FBXL14: variants seen among roughly 807,000 people sequenced by gnomAD.
The protein encoded by FBXL14 is F-box/LRR-repeat protein 14.
Under a neutral mutation model 24.5 loss-of-function variants are expected in FBXL14, and 11 were observed. That is an observed-to-expected ratio of 0.45 (90% CI 0.28 to 0.74). FBXL14 has a LOEUF of 0.74. Among genes scored for constraint, FBXL14 ranks in the 30% least tolerant of loss-of-function variants. The pLI is 0.12. For missense variants in FBXL14, 384 were observed against 545.6 expected (o/e 0.70, Z 2.95); for synonymous variants, 294 against 240.4 (o/e 1.22, Z -2.06).
Position 1,594,156 on chromosome 12 carries a change from AGCCGCC to A in FBXL14, c.-96_-91del, listed in dbSNP as rs544992054. 6.0e-3 allele frequency: 3,326 copies of A among 555,590 alleles called. 61 individuals are homozygous for A. Among genetic ancestry groups the A allele is most frequent in the African/African-American group, 0.048 (2,420 of 49,902 alleles). The allele number at this position is 555,590 out of a possible 1,614,324, so 34.4% of individuals were successfully genotyped here. A position where few individuals can be genotyped will look rare whatever the true frequency, so the allele number is the denominator to read the frequency against. ...GCAGGCGACGAGAGCGCTTCTCCCC[AGCCGCC>A]GCCGCCGCCGCCGCCGCCGCCTCGG... On this transcript the variant is annotated 5_prime_UTR_variant, in exon 1 of 2. Coordinates refer to ENST00000339235, the MANE Select transcript of FBXL14 (RefSeq NM_152441.3).
At chr12:1,574,441 G>GGGAGGCTAGGGTGAGA (rs1565583165) in intron 1 of FBXL14, among the ~76,000 whole-genome samples, 1 of 68,764 alleles carries the variant, frequency 1.5e-5, no homozygotes, top group East Asian at 3.6e-4. Flanking sequence ...CTGGGGTGAG[G>GGGAGGCTAGGGTGAGA]GGAGGCTGGT....
intron 1 of FBXL14, among the ~76,000 whole-genome samples, chr12:1,590,865 C>A (rs1366948058): frequency 6.6e-6 from 1 of 152,140 alleles, no homozygotes; most frequent in Non-Finnish European, 1.5e-5. Context: ...GCAAGGACAG[C>A]GCTCTTTTAA....
At chr12:1,573,897 C>G (rs984188382) in intron 1 of FBXL14, among the ~76,000 whole-genome samples, 1 of 151,978 alleles carries the variant, frequency 6.6e-6, no homozygotes. Flanking sequence ...CCCAGCTACT[C>G]AGGAAGCTGA....
In FBXL14 at chr12:1,579,296, T is replaced by G. The variant is rs1295421277; in HGVS notation, c.1195-12486A>C. Among the ~76,000 whole-genome samples the G allele has an allele frequency of 6.6e-6, 1 of 152,044 alleles. No homozygotes were observed. Among genetic ancestry groups the G allele is most frequent in the African/African-American group, 2.4e-5 (1 of 41,428 alleles). On this transcript the variant is annotated intron_variant, in intron 1 of 1. Coordinates refer to ENST00000339235, the MANE Select transcript of FBXL14 (RefSeq NM_152441.3). This position sits in a 1 kb window ranked among gnomAD's most constrained non-coding sequence, Gnocchi z 4.3. ...AAAATATATCAATAAGGCATCATAC[T>G]GACGAAAACAAAACCAGAGGTTTTA...
At chr12:1,592,190 G>GTATATATATATATATATAATT (rs1555152262) in intron 1 of FBXL14, among the ~76,000 whole-genome samples, 181 of 139,070 alleles carry the variant, frequency 1.3e-3, no homozygotes, top group African/African-American at 4.7e-3. Flanking sequence ...ACATATATAT[G>GTATATATATATATATATAATT]TATATATATA....
intron 1 of FBXL14, among the ~76,000 whole-genome samples, chr12:1,587,904 G>C (rs2094480294): frequency 6.6e-6 from 1 of 152,100 alleles, no homozygotes. Context: ...ACTCCTCAGG[G>C]GTTCATAATG....
rs544772696 is a variant in FBXL14 at position 1,567,445 on chromosome 12, C to T, written c.1195-635G>A. On this transcript the variant is annotated intron_variant, in intron 1 of 1. Transcript: ENST00000339235. This position sits in a 1 kb window ranked among gnomAD's most constrained non-coding sequence, Gnocchi z 4.8. ...GGCAGAGGTTGCAGTGAGCCAAGAT[C>T]GCGCCACTGTACTGCAGCCTGGGCG... Among the ~76,000 whole-genome samples, 4 of 152,152 alleles carry T rather than the reference C, an allele frequency of 2.6e-5. No individual in the cohort carries two copies. The highest frequency in any genetic ancestry group is 2.1e-4 in the South Asian group (1 of 4,816).
intron 1 of FBXL14, among the ~76,000 whole-genome samples, chr12:1,572,849 T>TG: frequency 1.2e-5 from 1 of 82,128 alleles, no homozygotes; most frequent in Admixed American, 9.9e-5. Flanking sequence ...GCAGTGGCGG[T>TG]GGAGGGGGGA....
chr12:1,590,967 C>A (rs1317125020), intron 1 of FBXL14, among the ~76,000 whole-genome samples: 1 of 152,218 alleles, frequency 6.6e-6, no homozygotes, highest in Non-Finnish European at 1.5e-5. Context: ...TTGCCCACGT[C>A]GTGAACCACT....
In FBXL14 at chr12:1,587,109, C is replaced by T. The variant is rs568589541; in HGVS notation, c.1194+5764G>A. ...AAAATTAGCCGGGCGTGGTGGCACA[C>T]GCCTGTAATCCCAGCTACTCAGGAG... On this transcript the variant is annotated intron_variant, in intron 1 of 1. Coordinates refer to ENST00000339235, the MANE Select transcript of FBXL14 (RefSeq NM_152441.3). Among the ~76,000 whole-genome samples the T allele has an allele frequency of 3.9e-4, 59 of 152,024 alleles. 1 individual carries two copies. The highest frequency in any genetic ancestry group is 4.2e-4 in the South Asian group (2 of 4,798).
chr12:1,582,607 C>T (rs59731311), intron 1 of FBXL14, among the ~76,000 whole-genome samples: 14,174 of 152,178 alleles, frequency 0.093, 1,145 homozygotes, highest in African/African-American at 0.22. Context: ...AAGACCTTCA[C>T]GGATGGTGCC....
chr12:1,594,413 C>G lies in FBXL14; in HGVS notation c.-347G>C. On this transcript the variant is annotated 5_prime_UTR_variant, in exon 1 of 2. Coordinates refer to ENST00000339235, the MANE Select transcript of FBXL14 (RefSeq NM_152441.3). The stretch of plus-strand genomic sequence containing the variant: ...CTCTACCCACGCCGCGCCCGGGCCG[C>G]GCCGCTCCGCCCGCGCCGCCGCGCC... Among the ~76,000 whole-genome samples the G allele has an allele frequency of 6.9e-6, 1 of 144,012 alleles. No individual in the cohort carries two copies. Among genetic ancestry groups the G allele is most frequent in the African/African-American group, 2.5e-5 (1 of 40,136 alleles). The allele number at this position is 144,012 out of a possible 152,430, so 94.5% of individuals were successfully genotyped here.
rs572750505 is a variant in FBXL14 at position 1,567,352 on chromosome 12, C to T, written c.1195-542G>A. Among the ~76,000 whole-genome samples, 2 of 151,900 alleles carry T rather than the reference C, an allele frequency of 1.3e-5. No homozygotes were observed. The highest frequency in any genetic ancestry group is 2.9e-5 in the Non-Finnish European group (2 of 67,976). On this transcript the variant is annotated intron_variant, in intron 1 of 1. Transcript: ENST00000339235. This position sits in a 1 kb window ranked among gnomAD's most constrained non-coding sequence, Gnocchi z 4.8. ...AGAAAGAAAAGAAAAATTAGCTGGGCGTGGTGGCAAGCACCTGTAATCCCA... is the reference window on the plus strand; with the variant it reads ...AGAAAGAAAAGAAAAATTAGCTGGGTGTGGTGGCAAGCACCTGTAATCCCA...
At chr12:1,570,404 C>T (rs570343431) in intron 1 of FBXL14, among the ~76,000 whole-genome samples, 2 of 152,322 alleles carry the variant, frequency 1.3e-5, no homozygotes, top group South Asian at 2.1e-4. Context: ...CTGGCATCTC[C>T]TTCCTACCGG....
Position 1,594,073 on chromosome 12 carries a change from C to T in FBXL14, c.-7G>A, listed in dbSNP as rs1167457600. 1.4e-6 allele frequency: 2 copies of T among 1,439,766 alleles called. No individual in the cohort carries two copies. The highest frequency in any genetic ancestry group is 1.8e-6 in the Non-Finnish European group (2 of 1,103,832). 89.2% of individuals were successfully genotyped at this position (1,439,766 alleles called of 1,614,324 possible). On this transcript the variant is annotated 5_prime_UTR_variant, in exon 1 of 2. Coordinates refer to ENST00000339235, the MANE Select transcript of FBXL14 (RefSeq NM_152441.3). ...ATGAGATGTGGGTCTCCATCTTCCTCCTCCCCCCTCCGCGGCGCTGGGGGG... is the reference window on the plus strand; with the variant it reads ...ATGAGATGTGGGTCTCCATCTTCCTTCTCCCCCCTCCGCGGCGCTGGGGGG...
chr12:1,594,445 CCCTGCCGCATCCTCCGCCT>C lies in FBXL14; in HGVS notation c.-398_-380del, dbSNP rs1367273111. Among the ~76,000 whole-genome samples, 1 of 145,350 alleles carries C rather than the reference CCCTGCCGCATCCTCCGCCT, an allele frequency of 6.9e-6. No individual in the cohort carries two copies. Among genetic ancestry groups the C allele is most frequent in the African/African-American group, 2.5e-5 (1 of 40,522 alleles). Reference sequence around the variant, plus strand: ...CCGCCCGCGCCGCCGCGCCCACGCCCCCTGCCGCATCCTCCGCCTCCTGCCGCCGCCGCTGCTCCGCGGG... The same window carrying C: ...CCGCCCGCGCCGCCGCGCCCACGCCCCCTGCCGCCGCCGCTGCTCCGCGGG... On this transcript the variant is annotated 5_prime_UTR_variant, in exon 1 of 2. It removes an upstream start codon present in the reference 5' UTR. Transcript: ENST00000339235.
chr12:1,591,132 T>C (rs1380465176), intron 1 of FBXL14, among the ~76,000 whole-genome samples: 1 of 152,246 alleles, frequency 6.6e-6, no homozygotes, highest in Non-Finnish European at 1.5e-5. Context: ...CCAAACATTA[T>C]ATAAATCTCC....
In FBXL14 at chr12:1,572,630, CG is replaced by C. The variant is rs945375104; in HGVS notation, c.1195-5821del. On this transcript the variant is annotated intron_variant, in intron 1 of 1. Transcript: ENST00000339235. Reference sequence around the variant, plus strand: ...CTGACGCACATACAGGTCGGGGAAGCGGGGGGGCAGTGGAGAGGAAGGCAGG... The same window carrying C: ...CTGACGCACATACAGGTCGGGGAAGCGGGGGGCAGTGGAGAGGAAGGCAGG... 2.6e-3 allele frequency among the ~76,000 whole-genome samples: 59 copies of C among 22,634 alleles called. 1 individual carries two copies. The highest frequency in any genetic ancestry group is 0.025 in the South Asian group (20 of 790). 14.8% of individuals were successfully genotyped at this position (22,634 alleles called of 152,430 possible).
At chr12:1,594,792 GCCCGGGCCGGC>G (rs1355742066), upstream of FBXL14, among the ~76,000 whole-genome samples, 1 of 150,642 alleles carries the variant, frequency 6.6e-6, no homozygotes. Context: ...GTTTGGTAGC[GCCCGGGCCGGC>G]CCCGGCTCCG....
Sources: gnomAD v4.1 joint callset for allele counts (sites outside exome capture counted in the v4.1 genomes callset) on GRCh38, gnomAD v4.1.1 for gene constraint, Gnocchi (gnomAD v3.1) non-coding constraint, MANE v1.5 for transcripts, NCBI Gene and HGNC (gene_info 2026-07-23, HGNC 2026-07-21) for gene names.